Variants in DPP10 observed in about 807,000 individuals in gnomAD.
The protein encoded by DPP10 is dipeptidyl peptidase like 10.
DPP10 carries 33 observed loss-of-function variants against 120.9 expected under a neutral mutation model. The ratio of observed to expected loss-of-function variants is 0.27; its 90% CI spans 0.21 to 0.37. DPP10 has a LOEUF of 0.37. Ranked by LOEUF, DPP10 falls within the 10% of genes least tolerant of loss-of-function variation. The pLI is 1.00. For missense variants in DPP10, 816 were observed against 942.8 expected (o/e 0.87, Z 1.76); for synonymous variants, 337 against 326.1 (o/e 1.03, Z -0.36).
chr2:115,399,512 TAAGTC>T (rs2067911729), intron 3 of DPP10, among the ~76,000 whole-genome samples: 2 of 152,166 alleles, frequency 1.3e-5, no homozygotes, highest in South Asian at 2.1e-4. Flanking sequence ...AAAATTGTAA[TAAGTC>T]AAGGAACATT....
intron 3 of DPP10, among the ~76,000 whole-genome samples, chr2:115,491,621 C>T (rs2076128893): frequency 6.6e-6 from 1 of 151,858 alleles, no homozygotes; most frequent in African/African-American, 2.4e-5. Context: ...ATCTTCCTGG[C>T]TGGAAGGGGT....
chr2:114,540,652 A>G (rs1686877495), intron 1 of DPP10, among the ~76,000 whole-genome samples: 1 of 152,228 alleles, frequency 6.6e-6, no homozygotes. Context: ...TTTTCAGCAC[A>G]TATTATACAT....
At chr2:115,653,480 T>G (rs2087986544) in intron 5 of DPP10, among the ~76,000 whole-genome samples, 1 of 151,988 alleles carries the variant, frequency 6.6e-6, no homozygotes, top group South Asian at 2.1e-4. Flanking sequence ...GCTGTCTAAA[T>G]GAAATCCTAA....
At chr2:115,216,867 A>G (rs1226445580) in intron 1 of DPP10, among the ~76,000 whole-genome samples, 1 of 151,962 alleles carries the variant, frequency 6.6e-6, no homozygotes, top group African/African-American at 2.4e-5. Flanking sequence ...GTATTTGGAC[A>G]TAGACATATA....
At chr2:115,182,957 C>CGG (rs2054175971) in intron 1 of DPP10, among the ~76,000 whole-genome samples, 1 of 152,080 alleles carries the variant, frequency 6.6e-6, no homozygotes, top group Non-Finnish European at 1.5e-5. Context: ...ATACACCCAC[C>CGG]CCATGGACAA....
At chr2:114,539,087 GCAGA>G (rs368386400) in intron 1 of DPP10, among the ~76,000 whole-genome samples, 1 of 151,484 alleles carries the variant, frequency 6.6e-6, no homozygotes, top group African/African-American at 2.4e-5. Context: ...TTGCCACATA[GCAGA>G]CAAAGTGATG....
At chr2:114,951,051 C>T (rs1574555335) in intron 1 of DPP10, among the ~76,000 whole-genome samples, 1 of 152,140 alleles carries the variant, frequency 6.6e-6, no homozygotes, top group South Asian at 2.1e-4. Context: ...TGTTCAAAAG[C>T]TGGCATTGGT....
In DPP10 at chr2:114,969,736, A is replaced by C. The variant is rs145249523; in HGVS notation, c.61-339503A>C. ...TTCCAGGCAAGAACCAACCAACCAA[A>C]CAAACAAACGAAAAAAACACTAGCC... is the stretch of plus-strand genomic sequence containing the variant. On this transcript the variant is annotated intron_variant, in intron 1 of 25. Coordinates refer to ENST00000410059, the MANE Select transcript of DPP10 (RefSeq NM_020868.6). Among the ~76,000 whole-genome samples the C allele has an allele frequency of 9.3e-3, 1,420 of 152,230 alleles. 11 individuals carry two copies. The highest frequency in any genetic ancestry group is 0.032 in the African/African-American group (1,329 of 41,540).
intron 1 of DPP10, chr2:115,161,567 C>A (rs1573837658): frequency 6.2e-6 from 1 of 160,846 alleles, no homozygotes; most frequent in East Asian, 1.7e-4. Flanking sequence ...GCGGGGAGCC[C>A]CCGGGGGCGG....
intron 1 of DPP10, among the ~76,000 whole-genome samples, chr2:114,950,041 A>T (rs1261279885): frequency 1.3e-5 from 2 of 152,210 alleles, no homozygotes; most frequent in African/African-American, 4.8e-5. Context: ...ATTCTTAAAA[A>T]AACTGTTGAA....
Position 115,736,075 on chromosome 2 carries a change from G to A in DPP10, c.698-3664G>A, listed in dbSNP as rs192804770. On this transcript the variant is annotated intron_variant, in intron 8 of 25. Transcript: ENST00000410059. ...CCACAATGGTGGGGAGAAAATTTCC[G>A]TTTCCAATTCAGAGGAATAGAATTA... 2.0e-3 allele frequency among the ~76,000 whole-genome samples: 300 copies of A among 152,054 alleles called. 1 individual carries two copies. Among genetic ancestry groups the A allele is most frequent in the African/African-American group, 6.3e-3 (260 of 41,474 alleles).
intron 13 of DPP10, among the ~76,000 whole-genome samples, chr2:115,776,448 CT>C (rs1286063164): frequency 3.3e-5 from 5 of 151,964 alleles, no homozygotes; most frequent in East Asian, 1.9e-4. Context: ...TGAACTCATC[CT>C]TTTTTTACGG....
At chr2:114,722,425 G>A (rs1200047791) in intron 1 of DPP10, among the ~76,000 whole-genome samples, 2 of 151,194 alleles carry the variant, frequency 1.3e-5, no homozygotes, top group Non-Finnish European at 3.0e-5. Context: ...AGAATCTAAA[G>A]TTTTTTTTTG....
At chr2:115,325,543 A>G (rs2062309921) in intron 2 of DPP10, among the ~76,000 whole-genome samples, 1 of 152,118 alleles carries the variant, frequency 6.6e-6, no homozygotes, top group Admixed American at 6.6e-5. Flanking sequence ...TACTCTAACA[A>G]AGTATTGAGG....
At chr2:114,972,414 G>A (rs1319400180) in intron 1 of DPP10, among the ~76,000 whole-genome samples, 1 of 152,180 alleles carries the variant, frequency 6.6e-6, no homozygotes, top group Non-Finnish European at 1.5e-5. Context: ...CATTTATATG[G>A]TATGAAAGCC....
chr2:114,699,777 G>A (rs1700282095), intron 1 of DPP10, among the ~76,000 whole-genome samples: 1 of 152,124 alleles, frequency 6.6e-6, no homozygotes. Context: ...ACCACACAGT[G>A]TGGGAAGAGC....
chr2:114,821,264 A>G (rs1389324826), intron 1 of DPP10, among the ~76,000 whole-genome samples: 1 of 152,112 alleles, frequency 6.6e-6, no homozygotes, highest in African/African-American at 2.4e-5. Context: ...TGTTCTACAC[A>G]CTGGGGATAT....
chr2:115,320,052 A>G lies in DPP10; in HGVS notation c.175+10699A>G, dbSNP rs1015282255. ...AATATAATCATTCAAACCATAGCAT[A>G]TAATTTGTATCTGTATTGTTTGATA... On this transcript the variant is annotated intron_variant, in intron 2 of 25. Coordinates refer to ENST00000410059, the MANE Select transcript of DPP10 (RefSeq NM_020868.6). Among the ~76,000 whole-genome samples the G allele has an allele frequency of 2.6e-5, 4 of 152,192 alleles. No individual in the cohort carries two copies. In the South Asian group the frequency reaches 6.2e-4, roughly 24 times the overall value.
intron 5 of DPP10, among the ~76,000 whole-genome samples, chr2:115,527,907 A>C (rs2078227702): frequency 6.6e-6 from 1 of 152,136 alleles, no homozygotes; most frequent in Non-Finnish European, 1.5e-5. Context: ...CATACATTGC[A>C]GTTGGAATGT....
Sources: allele counts gnomAD v4.1 joint callset (sites outside exome capture counted in the v4.1 genomes callset), GRCh38; gene constraint gnomAD v4.1.1; transcripts MANE v1.5; gene names NCBI Gene and HGNC (gene_info 2026-07-23, HGNC 2026-07-21).